Variants in MAP2 observed in about 807,000 individuals in gnomAD.
The protein encoded by MAP2 is microtubule associated protein 2.
Under a neutral mutation model 137.6 loss-of-function variants are expected in MAP2, and 14 were observed. That is an observed-to-expected ratio of 0.10 (90% CI 0.07 to 0.16). The LOEUF (loss-of-function observed/expected upper bound fraction) is 0.16, where lower values mean the gene tolerates loss of function less well. Among genes scored for constraint, MAP2 ranks in the 10% least tolerant of loss-of-function variants. The pLI, the probability that MAP2 is intolerant of heterozygous loss-of-function variation, is 1.00. For synonymous variants in MAP2, 786 were observed against 782.3 expected, an observed-to-expected ratio of 1.00 and a Z score of -0.08; for missense variants, 2,088 against 2,191.5, an observed-to-expected ratio of 0.95 and a Z score of 0.94.
At chr2:209,696,479 TG>T (rs1377479158) in intron 8 of MAP2, 62 bp from the exon 9 acceptor site, 1 of 1,509,246 alleles carries the variant, frequency 6.6e-7, no homozygotes, top group East Asian at 2.3e-5. Context: ...CAAAGGATTT[TG>T]TACACTTGTT....
intron 1 of MAP2, among the ~76,000 whole-genome samples, chr2:209,486,509 G>A (rs1027025831): frequency 1.3e-5 from 2 of 151,954 alleles, no homozygotes; most frequent in South Asian, 2.1e-4. Flanking sequence ...GGCATGAGCC[G>A]CCACACCCAG....
At chr2:209,493,984 G>C (rs141553044) in intron 1 of MAP2, among the ~76,000 whole-genome samples, 71 of 152,258 alleles carry the variant, frequency 4.7e-4, no homozygotes, top group African/African-American at 1.7e-3. Context: ...ACATGCACTT[G>C]TATGTTTATT....
intron 1 of MAP2, among the ~76,000 whole-genome samples, chr2:209,459,619 A>G (rs906638800): frequency 2.0e-5 from 3 of 152,244 alleles, no homozygotes; most frequent in East Asian, 3.9e-4. Flanking sequence ...CCTGATTTCT[A>G]TTCTAGCACT....
chr2:209,652,349 C>G (rs1253510481), intron 4 of MAP2, among the ~76,000 whole-genome samples: 1 of 152,098 alleles, frequency 6.6e-6, no homozygotes, highest in Non-Finnish European at 1.5e-5. Flanking sequence ...GGATGTAGGC[C>G]TAATGCTATA....
intron 13 of MAP2, among the ~76,000 whole-genome samples, chr2:209,724,295 C>T (rs1227886889): frequency 6.6e-6 from 1 of 151,904 alleles, no homozygotes; most frequent in East Asian, 1.9e-4. Flanking sequence ...AAATAATGTC[C>T]TGTGAGAGGA....
rs754466676 is a variant in MAP2 at position 209,464,779 on chromosome 2, A to G, written c.-222+40503A>G. Among the ~76,000 whole-genome samples the G allele has an allele frequency of 9.9e-5, 15 of 152,282 alleles. 1 individual carries two copies. The South Asian group carries it at 1.0e-3, about 11-fold the overall frequency. ...ATTAAAGACAACTAATATAGTTTTG[A>G]AAATACAATGACATTAATTAAAATT... On this transcript the variant is annotated intron_variant, in intron 1 of 15. Coordinates refer to ENST00000682079, the MANE Select transcript of MAP2 (RefSeq NM_001375505.1).
chr2:209,632,161 C>A (rs1435701023), intron 4 of MAP2, among the ~76,000 whole-genome samples: 2 of 152,094 alleles, frequency 1.3e-5, no homozygotes, highest in Non-Finnish European at 2.9e-5. Flanking sequence ...TTTACACCTT[C>A]AATATGTGGC....
At chr2:209,668,170 T>A (rs2047170067) in intron 5 of MAP2, among the ~76,000 whole-genome samples, 1 of 152,090 alleles carries the variant, frequency 6.6e-6, no homozygotes, top group Admixed American at 6.6e-5. Flanking sequence ...AACTTCATTG[T>A]CTTCAAGTAA....
chr2:209,646,044 G>A (rs1370158748), intron 4 of MAP2, among the ~76,000 whole-genome samples: 2 of 151,938 alleles, frequency 1.3e-5, no homozygotes, highest in Non-Finnish European at 2.9e-5. Context: ...AAATTAGCTG[G>A]GCATGTGGCA....
Position 209,696,011 on chromosome 2 carries a change from A to T in MAP2, c.3841A>T (p.Ile1281Phe). ...CTGCCCAAGTGAACACAAAGGAGTG[A>T]TTGAGTCTGTTGTGACCATCGAGGA... ...ETCPSEHKGVIESVVTIEDDF... is the reference protein window; with the variant it reads ...ETCPSEHKGVFESVVTIEDDF... Residue 1281 changes from isoleucine to phenylalanine, a missense_variant, in exon 8 of 16, where the codon ATT becomes TTT. Coordinates refer to ENST00000682079, the MANE Select transcript of MAP2 (RefSeq NM_001375505.1). 3.1e-6 allele frequency: 5 copies of T among 1,614,096 alleles called. No homozygotes were observed. Among genetic ancestry groups the T allele is most frequent in the Non-Finnish European group, 4.2e-6 (5 of 1,180,002 alleles).
At chr2:209,720,721 T>G (rs2070313384) in intron 13 of MAP2, among the ~76,000 whole-genome samples, 1 of 150,498 alleles carries the variant, frequency 6.6e-6, no homozygotes, top group African/African-American at 2.5e-5. Context: ...GCAATTATTA[T>G]TCAGATTTTT....
At chr2:209,597,303 T>G (rs1018717406) in intron 3 of MAP2, among the ~76,000 whole-genome samples, 1 of 152,230 alleles carries the variant, frequency 6.6e-6, no homozygotes, top group Non-Finnish European at 1.5e-5. Context: ...TTTCAAAGAT[T>G]CCAAACCATC....
rs1434484871 is a variant in MAP2 at position 209,561,599 on chromosome 2, C to CTT, written c.-171-18437_-171-18436insTT. Among the ~76,000 whole-genome samples, 39 of 152,200 alleles carry CTT rather than the reference C, an allele frequency of 2.6e-4. No homozygotes were observed. The East Asian group carries it at 7.5e-3, about 29-fold the overall frequency. Reference sequence around the variant, plus strand: ...TGTAAAGTGCTTAATATAGTGTAGGCAAATTATAAGCACACATCAAATATT... The same window carrying CTT: ...TGTAAAGTGCTTAATATAGTGTAGGCTTAAATTATAAGCACACATCAAATATT... On this transcript the variant is annotated intron_variant, in intron 2 of 15. Transcript: ENST00000682079.
chr2:209,444,732 A>T (rs1698635031), intron 1 of MAP2, among the ~76,000 whole-genome samples: 1 of 151,594 alleles, frequency 6.6e-6, no homozygotes, highest in African/African-American at 2.4e-5. Context: ...AAACTGAGTC[A>T]TCGTTGAAAC....
intron 2 of MAP2, among the ~76,000 whole-genome samples, chr2:209,554,079 A>G (rs2069893980): frequency 6.6e-6 from 1 of 152,226 alleles, no homozygotes; most frequent in Non-Finnish European, 1.5e-5. Flanking sequence ...TTCACAGTGT[A>G]AACTACTGAG....
intron 7 of MAP2, among the ~76,000 whole-genome samples, chr2:209,685,005 C>T (rs557373423): frequency 6.6e-6 from 1 of 150,654 alleles, no homozygotes; most frequent in South Asian, 2.1e-4. Flanking sequence ...AGACATTGTG[C>T]TTGGCATTTT....
rs188838504 is a variant in MAP2, at chr2:209,674,683, A to G, written c.263-3889A>G. On this transcript the variant is annotated intron_variant, in intron 5 of 15. Coordinates refer to ENST00000682079, the MANE Select transcript of MAP2 (RefSeq NM_001375505.1). Reference sequence around the variant, plus strand: ...GATGAGGTATTTAATAGACAAATGTAGAATCAGTGAAGAAATTACATATAT... The same window carrying G: ...GATGAGGTATTTAATAGACAAATGTGGAATCAGTGAAGAAATTACATATAT... Among the ~76,000 whole-genome samples the G allele has an allele frequency of 1.9e-3, 296 of 151,906 alleles. 2 individuals are homozygous for G. The highest frequency in any genetic ancestry group is 6.8e-3 in the African/African-American group (284 of 41,526).
intron 1 of MAP2, among the ~76,000 whole-genome samples, chr2:209,498,380 A>G (rs1049107149): frequency 6.6e-6 from 1 of 152,168 alleles, no homozygotes; most frequent in Admixed American, 6.5e-5. Context: ...CAGGTTGTTG[A>G]GTGCCTGTGG....
In MAP2 at chr2:209,586,282, A is replaced by G. The variant is rs1161916209; in HGVS notation, c.-107+6182A>G. Among the ~76,000 whole-genome samples, 14 of 152,226 alleles carry G rather than the reference A, an allele frequency of 9.2e-5. No individual in the cohort carries two copies. In the South Asian group the frequency reaches 2.9e-3, roughly 32 times the overall value. ...TGCTACATGTGTAATCAGAAAAAAG[A>G]CAAATTTATAGAAAATGTTCTAAAG... is the stretch of plus-strand genomic sequence containing the variant. On this transcript the variant is annotated intron_variant, in intron 3 of 15. Coordinates refer to ENST00000682079, the MANE Select transcript of MAP2 (RefSeq NM_001375505.1).
Sources: gnomAD v4.1 joint callset for allele counts (sites outside exome capture counted in the v4.1 genomes callset) on GRCh38, gnomAD v4.1.1 for gene constraint, MANE v1.5 for transcripts, NCBI Gene and HGNC (gene_info 2026-07-23, HGNC 2026-07-21) for gene names.